The following CPQ variants were observed in gnomAD, a reference collection of about 807,000 sequenced individuals.
CPQ encodes Ser-Met dipeptidase.
In CPQ, 37 loss-of-function variants were observed where a neutral mutation model predicts 45.7. The observed-to-expected ratio is 0.81, with a 90% CI of 0.62 to 1.07. CPQ has a LOEUF of 1.07. Among genes scored for constraint, CPQ ranks in the 50% least tolerant of loss-of-function variants. The pLI is 0.00. For missense variants in CPQ, 537 were observed against 572.9 expected, an observed-to-expected ratio of 0.94 and a Z score of 0.64; for synonymous variants, 186 against 205.8, an observed-to-expected ratio of 0.90 and a Z score of 0.82.
intron 4 of CPQ, among the ~76,000 whole-genome samples, chr8:96,957,027 G>A (rs1292423304): frequency 6.6e-6 from 1 of 152,220 alleles, no homozygotes; most frequent in Non-Finnish European, 1.5e-5. Context: ...TTGAAAATCA[G>A]GTCATTGAGA....
chr8:96,961,295 G>A (rs1044070513), intron 4 of CPQ, among the ~76,000 whole-genome samples: 1 of 152,046 alleles, frequency 6.6e-6, no homozygotes, highest in East Asian at 1.9e-4. Flanking sequence ...TTCCCTGATT[G>A]GTAATGAAAT....
At chr8:96,944,284 C>A (rs118101364) in intron 4 of CPQ, among the ~76,000 whole-genome samples, 2,137 of 152,208 alleles carry the variant, frequency 0.014, 20 homozygotes, top group South Asian at 0.026. Context: ...ATCCTACAGC[C>A]TTGGGTTGAG....
At chr8:96,934,746 C>T (rs1813021856) in intron 4 of CPQ, among the ~76,000 whole-genome samples, 1 of 152,110 alleles carries the variant, frequency 6.6e-6, no homozygotes, top group Non-Finnish European at 1.5e-5. Flanking sequence ...CTTATTTCCA[C>T]CCTCCAAAGC....
rs1810155432 is a variant in CPQ, at chr8:96,744,995, T to G, written c.-34-39869T>G. Among the ~76,000 whole-genome samples the G allele has an allele frequency of 1.3e-5, 2 of 152,116 alleles. 1 individual carries two copies. The highest frequency in any genetic ancestry group is 4.1e-4 in the South Asian group (2 of 4,830). ...TATGGCCCCCAATAGCATAGTGACT[T>G]AGGGTTAAATGGCAGTGTAAAAGGA... On this transcript the variant is annotated intron_variant, in intron 1 of 7. Coordinates refer to ENST00000220763, the MANE Select transcript of CPQ (RefSeq NM_016134.4).
chr8:96,711,740 G>A (rs1225021238), intron 1 of CPQ, among the ~76,000 whole-genome samples: 1 of 152,026 alleles, frequency 6.6e-6, no homozygotes, highest in African/African-American at 2.4e-5. Flanking sequence ...GACACATAGG[G>A]ATTATGGGAA....
chr8:96,716,090 C>A (rs999894704), intron 1 of CPQ, among the ~76,000 whole-genome samples: 1 of 152,120 alleles, frequency 6.6e-6, no homozygotes, highest in Non-Finnish European at 1.5e-5. Context: ...CAGACCAGGA[C>A]CTTCTCATTA....
chr8:97,113,859 C>T (rs1437288344), intron 7 of CPQ, among the ~76,000 whole-genome samples: 1 of 152,214 alleles, frequency 6.6e-6, no homozygotes, highest in Non-Finnish European at 1.5e-5. Context: ...TCAGACCAGT[C>T]CTCAAGAGCT....
chr8:96,910,523 G>A (rs1812645340), intron 4 of CPQ, among the ~76,000 whole-genome samples: 1 of 151,832 alleles, frequency 6.6e-6, no homozygotes, highest in Admixed American at 6.6e-5. Flanking sequence ...CTCTCTCTTT[G>A]AGACGGAGTC....
rs1002154117 is a variant in CPQ at position 96,729,062 on chromosome 8, C to A, written c.-34-55802C>A. ...TTATATGTAGGGAGAAGATTTGCAT[C>A]CCATTAAATCTCCCAAAATATGTAA... is the stretch of plus-strand genomic sequence containing the variant. On this transcript the variant is annotated intron_variant, in intron 1 of 7. Coordinates refer to ENST00000220763, the MANE Select transcript of CPQ (RefSeq NM_016134.4). Among the ~76,000 whole-genome samples the A allele has an allele frequency of 3.9e-5, 6 of 152,254 alleles. No individual in the cohort carries two copies. The South Asian group carries it at 1.2e-3, about 32-fold the overall frequency.
intron 4 of CPQ, among the ~76,000 whole-genome samples, chr8:96,924,398 C>T (rs1377709076): frequency 2.0e-5 from 3 of 152,210 alleles, no homozygotes; most frequent in Admixed American, 2.0e-4. Flanking sequence ...CTCTTTTCAG[C>T]AGATTTATGC....
chr8:96,977,007 A>G lies in CPQ; in HGVS notation c.961+10961A>G, dbSNP rs186371852. 4.4e-3 allele frequency among the ~76,000 whole-genome samples: 672 copies of G among 152,330 alleles called. 6 individuals are homozygous for G. The highest frequency in any genetic ancestry group is 0.015 in the African/African-American group (623 of 41,584). ...AACAAAGATAGACATATGGGACTCA[A>G]TTAAACTAAAAAGCTTCTGCACAAC... On this transcript the variant is annotated intron_variant, in intron 5 of 7. Coordinates refer to ENST00000220763, the MANE Select transcript of CPQ (RefSeq NM_016134.4).
intron 6 of CPQ, among the ~76,000 whole-genome samples, chr8:97,044,854 C>T (rs1248024132): frequency 6.6e-6 from 1 of 152,166 alleles, no homozygotes; most frequent in African/African-American, 2.4e-5. Flanking sequence ...ATTTTTGTCT[C>T]AGAGGAGTAC....
At chr8:96,793,587 A>T (rs1810881733) in intron 2 of CPQ, among the ~76,000 whole-genome samples, 1 of 152,200 alleles carries the variant, frequency 6.6e-6, no homozygotes, top group South Asian at 2.1e-4. Flanking sequence ...GCCCCTCCAA[A>T]ATCTATGTCC....
chr8:96,837,633 G>A (rs931382278), intron 3 of CPQ, among the ~76,000 whole-genome samples: 12 of 152,044 alleles, frequency 7.9e-5, no homozygotes, highest in African/African-American at 2.9e-4. Context: ...GTGAAGATGT[G>A]ACTTGAACCA....
At position 96,771,709 on chromosome 8, in the gene CPQ, CA is replaced by C. The variant is rs146936762; in HGVS notation, c.-34-13154del. Among the ~76,000 whole-genome samples, 241 of 152,268 alleles carry C rather than the reference CA, an allele frequency of 1.6e-3. 1 individual carries two copies. The highest frequency in any genetic ancestry group is 3.1e-3 in the Admixed American group (48 of 15,286). ...TACAAAGCATGTAAGATGTATTCAG[CA>C]CTGTTCTTTGGGTTATAAAGAGGGA... On this transcript the variant is annotated intron_variant, in intron 1 of 7. Coordinates refer to ENST00000220763, the MANE Select transcript of CPQ (RefSeq NM_016134.4).
chr8:97,128,722 C>T (rs573780297), intron 7 of CPQ, among the ~76,000 whole-genome samples: 3 of 152,174 alleles, frequency 2.0e-5, no homozygotes, highest in Non-Finnish European at 1.5e-5. Flanking sequence ...ACTTTCTCCT[C>T]AGCTTATTTT....
chr8:96,971,951 T>C (rs1223999406), intron 5 of CPQ, among the ~76,000 whole-genome samples: 1 of 152,176 alleles, frequency 6.6e-6, no homozygotes, highest in Admixed American at 6.5e-5. Flanking sequence ...CATAGTGAAC[T>C]TTTGCTCTAA....
intron 6 of CPQ, among the ~76,000 whole-genome samples, chr8:97,044,555 G>T (rs989766855): frequency 6.6e-6 from 1 of 152,198 alleles, no homozygotes; most frequent in African/African-American, 2.4e-5. Flanking sequence ...AGGACGAGAG[G>T]TGCTTTGCTT....
intron 3 of CPQ, among the ~76,000 whole-genome samples, chr8:96,845,992 A>G (rs1255849552): frequency 3.3e-5 from 5 of 151,890 alleles, no homozygotes; most frequent in Admixed American, 6.6e-5. Flanking sequence ...GCTATTTTGT[A>G]TTTTTAGTAG....
Sources: gnomAD v4.1 joint callset for allele counts (sites outside exome capture counted in the v4.1 genomes callset) on GRCh38, gnomAD v4.1.1 for gene constraint, MANE v1.5 for transcripts, NCBI Gene and HGNC (gene_info 2026-07-23, HGNC 2026-07-21) for gene names.